RBM20: variants seen among roughly 807,000 people sequenced by gnomAD.
RBM20 encodes the protein RNA binding motif protein 20, also known as RNA-binding protein 20.
In RBM20, 51 loss-of-function variants were observed where a neutral mutation model predicts 110.1. The ratio of observed to expected loss-of-function variants is 0.46; its 90% CI spans 0.37 to 0.59. The LOEUF is 0.59. Ranked by LOEUF, RBM20 falls within the 20% of genes least tolerant of loss-of-function variation. The pLI is 0.00. For synonymous variants in RBM20, 589 were observed against 618.2 expected, an observed-to-expected ratio of 0.95 and a Z score of 0.70; for missense variants, 1,512 against 1,574.9, an observed-to-expected ratio of 0.96 and a Z score of 0.68.
Position 110,781,828 on chromosome 10 carries a change from C to G in RBM20, c.1219C>G (p.Pro407Ala). 3 of 1,551,778 alleles carry G rather than the reference C, an allele frequency of 1.9e-6. No individual in the cohort carries two copies. The highest frequency in any genetic ancestry group is 2.6e-6 in the Non-Finnish European group (3 of 1,147,016). The change falls in exon 2 of 14, where the codon CCC (proline) becomes GCC (alanine). Residue 407 changes from proline to alanine, a missense_variant. Pro to Ala is a conservative substitution (Grantham distance 27). This residue lies in a region of RBM20 where 1,149 missense variants were observed against 1,169.4 expected (regional missense o/e 0.98). Transcript: ENST00000369519. The stretch of plus-strand genomic sequence containing the variant: ...GCTGAACGACTTTCACGGTGTGGCC[C>G]CCCTCCACTTGCCGCATATCTGTAG... ...HELNDFHGVAPLHLPHICSIC... is the reference protein window; with the variant it reads ...HELNDFHGVAALHLPHICSIC...
At chr10:110,665,995 AAG>A (rs56329688) in intron 1 of RBM20, among the ~76,000 whole-genome samples, 3,971 of 145,434 alleles carry the variant, frequency 0.027, 185 homozygotes, top group African/African-American at 0.096. Flanking sequence ...CAAAGAAAGA[AAG>A]AGAGAGAGAG....
rs1347315082 is a variant in RBM20, at chr10:110,741,951, A to G, written c.192-38850A>G. On this transcript the variant is annotated intron_variant, in intron 1 of 13. Coordinates refer to ENST00000369519, the MANE Select transcript of RBM20 (RefSeq NM_001134363.3). Reference sequence around the variant, plus strand: ...ATGGACGTACACTCCTCTAGGGCAGAACCCAAAAGCTGCTGAAATTATCTT... The same window carrying G: ...ATGGACGTACACTCCTCTAGGGCAGGACCCAAAAGCTGCTGAAATTATCTT... Among the ~76,000 whole-genome samples the G allele has an allele frequency of 2.6e-5, 4 of 152,232 alleles. No individual in the cohort carries two copies. The East Asian group carries it at 7.7e-4, about 29-fold the overall frequency.
intron 1 of RBM20, among the ~76,000 whole-genome samples, chr10:110,734,916 CTGTTCTGAG>C (rs1351442696): frequency 1.3e-5 from 2 of 152,158 alleles, no homozygotes; most frequent in African/African-American, 4.8e-5. Flanking sequence ...AATTTGTGAG[CTGTTCTGAG>C]TGGCGTGATG....
Position 110,693,100 on chromosome 10 carries a change from G to C in RBM20, c.191+48455G>C, listed in dbSNP as rs1219393934. Among the ~76,000 whole-genome samples the C allele has an allele frequency of 2.6e-5, 4 of 152,168 alleles. No homozygotes were observed. In the East Asian group the frequency reaches 7.7e-4, roughly 29 times the overall value. On this transcript the variant is annotated intron_variant, in intron 1 of 13. Coordinates refer to ENST00000369519, the MANE Select transcript of RBM20 (RefSeq NM_001134363.3). ...TTATATTGAACTATCTTTGCATTCTGTGAATGAATCCCACTTGGTCATAGT... is the reference window on the plus strand; with the variant it reads ...TTATATTGAACTATCTTTGCATTCTCTGAATGAATCCCACTTGGTCATAGT...
In RBM20 at chr10:110,780,846, G is replaced by A. The variant is rs751872145; in HGVS notation, c.237G>A (p.Pro79=). The change falls in exon 2 of 14, where the codon CCG becomes CCA. Residue 79 remains proline, a synonymous_variant. Transcript: ENST00000369519. ...LDKNPFSVSN[P]NPLLPSPASL... is the part of the protein sequence containing the mutation. ...AGAACCCATTCTCGGTCAGTAACCC[G>A]AACCCTCTGCTTCCTTCACCTGCCA... The A allele has an allele frequency of 3.1e-5, 48 of 1,545,760 alleles. No individual in the cohort carries two copies. The highest frequency in any genetic ancestry group is 3.8e-5 in the Non-Finnish European group (43 of 1,142,894).
intron 7 of RBM20, among the ~76,000 whole-genome samples, chr10:110,808,528 C>T (rs967182958): frequency 2.6e-5 from 4 of 152,132 alleles, no homozygotes; most frequent in African/African-American, 9.7e-5. Context: ...GTGCTGAGTT[C>T]CTGGGCCTTT....
intron 1 of RBM20, among the ~76,000 whole-genome samples, chr10:110,745,480 T>C (rs1026770516): frequency 1.3e-5 from 2 of 152,204 alleles, no homozygotes; most frequent in African/African-American, 4.8e-5. Context: ...CCACTAGCTT[T>C]TGTGTACCTT....
intron 5 of RBM20, among the ~76,000 whole-genome samples, chr10:110,789,383 G>A (rs942448983): frequency 6.0e-5 from 9 of 150,414 alleles, no homozygotes; most frequent in Non-Finnish European, 8.9e-5. Flanking sequence ...TGAGTGTTTC[G>A]TTGCCTTGTT....
intron 1 of RBM20, among the ~76,000 whole-genome samples, chr10:110,762,873 G>A (rs1008464395): frequency 6.6e-6 from 1 of 152,226 alleles, no homozygotes; most frequent in Non-Finnish European, 1.5e-5. Context: ...AAGACAGAGA[G>A]AGGAAGGGCC....
chr10:110,785,929 T>G (rs1024539559), intron 5 of RBM20, among the ~76,000 whole-genome samples: 4 of 152,252 alleles, frequency 2.6e-5, no homozygotes, highest in African/African-American at 9.6e-5. Flanking sequence ...AAGTAAGGAC[T>G]ACGCACCAGT....
chr10:110,760,493 CGTG>C (rs1843984101), intron 1 of RBM20, among the ~76,000 whole-genome samples: 6 of 84,418 alleles, frequency 7.1e-5, no homozygotes, highest in African/African-American at 2.3e-4. Context: ...AGTACAGTGG[CGTG>C]ATCTCAGGAT....
At chr10:110,751,792 T>TA (rs575060805) in intron 1 of RBM20, among the ~76,000 whole-genome samples, 2 of 152,016 alleles carry the variant, frequency 1.3e-5, no homozygotes, top group East Asian at 3.9e-4. Flanking sequence ...AAATAGAAAT[T>TA]AAAAAAAACT....
chr10:110,720,455 G>A (rs1843492284), intron 1 of RBM20, among the ~76,000 whole-genome samples: 1 of 152,178 alleles, frequency 6.6e-6, no homozygotes, highest in African/African-American at 2.4e-5. Flanking sequence ...CTGGAACATA[G>A]CCATGGGCCA....
chr10:110,789,702 A>G (rs537318645), intron 5 of RBM20, among the ~76,000 whole-genome samples: 33 of 152,206 alleles, frequency 2.2e-4, no homozygotes, highest in Non-Finnish European at 4.0e-4. Flanking sequence ...CTGCACTGAC[A>G]GTTGTATGCT....
chr10:110,672,661 G>A (rs1040943820), intron 1 of RBM20, among the ~76,000 whole-genome samples: 4 of 152,256 alleles, frequency 2.6e-5, no homozygotes, highest in African/African-American at 4.8e-5. Flanking sequence ...TGGGCACAGC[G>A]GTCCCCGGTG....
chr10:110,728,878 T>C (rs1843591621), intron 1 of RBM20, among the ~76,000 whole-genome samples: 1 of 152,162 alleles, frequency 6.6e-6, no homozygotes. Flanking sequence ...GCGATGCTGC[T>C]CTGTTTATGC....
At position 110,730,383 on chromosome 10, in the gene RBM20, C is replaced by T. The variant is rs570985746; in HGVS notation, c.192-50418C>T. 3.9e-5 allele frequency among the ~76,000 whole-genome samples: 6 copies of T among 152,286 alleles called. No individual in the cohort carries two copies. In the East Asian group the frequency reaches 9.6e-4, roughly 24 times the overall value. Reference sequence around the variant, plus strand: ...ACCTCATTAATCCTGGCTTGGAGATCCCCCGACCTCCTTTCTTGGGTGTCC... The same window carrying T: ...ACCTCATTAATCCTGGCTTGGAGATTCCCCGACCTCCTTTCTTGGGTGTCC... On this transcript the variant is annotated intron_variant, in intron 1 of 13. Coordinates refer to ENST00000369519, the MANE Select transcript of RBM20 (RefSeq NM_001134363.3).
At chr10:110,659,940 A>G (rs1442618261) in intron 1 of RBM20, among the ~76,000 whole-genome samples, 2 of 151,418 alleles carry the variant, frequency 1.3e-5, no homozygotes, top group Non-Finnish European at 1.5e-5. Flanking sequence ...CAACCTCCCA[A>G]GGAGCTGGGG....
chr10:110,683,937 C>G (rs533083013), intron 1 of RBM20, among the ~76,000 whole-genome samples: 99 of 152,280 alleles, frequency 6.5e-4, no homozygotes, highest in Non-Finnish European at 1.1e-3. Flanking sequence ...AAAGAAAAAT[C>G]AAGTTATATC....
Sources: allele counts gnomAD v4.1 joint callset (sites outside exome capture counted in the v4.1 genomes callset), GRCh38; gene constraint gnomAD v4.1.1; regional missense constraint gnomAD v4.1.1; transcripts MANE v1.5; gene names NCBI Gene and HGNC (gene_info 2026-07-23, HGNC 2026-07-21).